The following DRAXIN variants were observed in gnomAD, a reference collection of about 807,000 sequenced individuals.
DRAXIN encodes the protein dorsal repulsive axon guidance protein.
DRAXIN carries 27 observed loss-of-function variants against 33.9 expected under a neutral mutation model. That is an observed-to-expected ratio of 0.80 (90% CI 0.59 to 1.10). The LOEUF is 1.10. DRAXIN is among the 50% of genes least tolerant of loss of function. The probability of loss-of-function intolerance (pLI) is 0.00; values close to 1 mark genes in which losing one functional copy is unlikely to be tolerated. For synonymous variants in DRAXIN, 178 were observed against 194.0 expected (o/e 0.92, Z 0.69); for missense variants, 371 against 460.8 (o/e 0.81, Z 1.78).
chr1:11,720,936 A>G lies in DRAXIN; in HGVS notation c.*1240A>G, dbSNP rs1382621978. 1 of 152,258 alleles carries G rather than the reference A, an allele frequency of 6.6e-6. No homozygotes were observed. The highest frequency in any genetic ancestry group is 1.9e-4 in the East Asian group (1 of 5,202). 9.4% of individuals were successfully genotyped at this position (152,258 alleles called of 1,614,324 possible). ...ACAAAACAAAATACAACTTAAGCAC[A>G]TACTTGCTTGCAGGAATAAGTTGGG... On this transcript the variant is annotated 3_prime_UTR_variant, in exon 7 of 7. Coordinates refer to ENST00000294485, the MANE Select transcript of DRAXIN (RefSeq NM_198545.4).
chr1:11,705,749 G>T lies in DRAXIN; in HGVS notation c.-10-500G>T, dbSNP rs6657454. 3.5e-4 allele frequency among the ~76,000 whole-genome samples: 54 copies of T among 152,236 alleles called. No homozygotes were observed. The highest frequency in any genetic ancestry group is 7.2e-4 in the Non-Finnish European group (49 of 68,022). ...CATGAATTCACACAAAGCACTTAAC[G>T]TGGGTCCTGCCTACAGCGTGCGCTC... On this transcript the variant is annotated intron_variant, in intron 1 of 6. Transcript: ENST00000294485. The surrounding 1 kb of genome is among the most constrained non-coding windows in gnomAD (Gnocchi z 4.8).
chr1:11,714,309 A>G (rs1167478584), intron 5 of DRAXIN, among the ~76,000 whole-genome samples: 1 of 152,232 alleles, frequency 6.6e-6, no homozygotes, highest in Non-Finnish European at 1.5e-5. Context: ...GAAGCTTCAG[A>G]CATCATGCAC....
chr1:11,697,115 G>A (rs1286083995), intron 1 of DRAXIN, among the ~76,000 whole-genome samples: 1 of 152,074 alleles, frequency 6.6e-6, no homozygotes, highest in African/African-American at 2.4e-5. Context: ...GAGGAAACTG[G>A]GGCCCAGAGA....
chr1:11,697,313 G>A (rs565598957), intron 1 of DRAXIN, among the ~76,000 whole-genome samples: 186 of 152,204 alleles, frequency 1.2e-3, no homozygotes, highest in Non-Finnish European at 2.1e-3. Context: ...TATCAGTGGG[G>A]ACACCTGGAG....
upstream of DRAXIN, among the ~76,000 whole-genome samples, chr1:11,687,137 C>T (rs1333336452): frequency 6.6e-6 from 1 of 152,200 alleles, no homozygotes; most frequent in Non-Finnish European, 1.5e-5. The surrounding 1 kb of genome is among the most constrained non-coding windows in gnomAD (Gnocchi z 4.1). Flanking sequence ...GCAATCACAG[C>T]TCACTGAAGC....
At chr1:11,698,457 G>T (rs1641225382) in intron 1 of DRAXIN, among the ~76,000 whole-genome samples, 1 of 152,176 alleles carries the variant, frequency 6.6e-6, no homozygotes, top group Non-Finnish European at 1.5e-5. Flanking sequence ...AGCAGATGGG[G>T]CTTCCGGACT....
intron 2 of DRAXIN, 98 bp from the exon 3 acceptor site, chr1:11,709,177 C>T (rs1641435852): frequency 2.3e-5 from 29 of 1,285,674 alleles, no homozygotes; most frequent in Admixed American, 8.4e-5. Context: ...ACAGTGCCTG[C>T]TGCCTCCTAG....
rs200614485 is a variant in DRAXIN at position 11,719,577 on chromosome 1, C to T, written c.938-7C>T. 1.1e-3 allele frequency: 1,751 copies of T among 1,606,902 alleles called. 1 individual carries two copies. Among genetic ancestry groups the T allele is most frequent in the Admixed American group, 2.3e-3 (139 of 59,512 alleles). ...GCCTCTGACCCCCCTTGCCTCCACT[C>T]GCCCAGGGCTGCGCTGCTATGCCAA... On this transcript the variant is annotated splice_polypyrimidine_tract_variant and splice_region_variant and intron_variant, in intron 6 of 6. Transcript: ENST00000294485.
intron 5 of DRAXIN, 43 bp downstream of exon 5, chr1:11,712,472 G>C (rs375034511): frequency 1.2e-6 from 2 of 1,609,486 alleles, no homozygotes; most frequent in Non-Finnish European, 8.5e-7. Flanking sequence ...GCTGGGTACT[G>C]GGAGGGAACC....
In DRAXIN at chr1:11,694,426, A is replaced by G. The variant is rs1259304480; in HGVS notation, c.-11+2573A>G. ...ATACTGAGGCCCTGTATCACTCTGG[A>G]AAATGAGGGTGGTCTCTGTGCCTGT... On this transcript the variant is annotated intron_variant, in intron 1 of 6. Transcript: ENST00000294485. This position sits in a 1 kb window ranked among gnomAD's most constrained non-coding sequence, Gnocchi z 4.9. Among the ~76,000 whole-genome samples, 2 of 151,968 alleles carry G rather than the reference A, an allele frequency of 1.3e-5. No homozygotes were observed. Among genetic ancestry groups the G allele is most frequent in the Non-Finnish European group, 2.9e-5 (2 of 67,988 alleles).
In DRAXIN at chr1:11,719,830, C is replaced by A. The variant is rs931450287; in HGVS notation, c.*134C>A. ...GACTCAGGCCCAGGACACTCAACCC[C>A]AGGAGGGGAGCCGCTCGGCGAATGA... On this transcript the variant is annotated 3_prime_UTR_variant, in exon 7 of 7. Transcript: ENST00000294485. 1.1e-4 allele frequency: 88 copies of A among 832,506 alleles called. No individual in the cohort carries two copies. The highest frequency in any genetic ancestry group is 1.6e-4 in the Non-Finnish European group (82 of 520,384). The allele number at this position is 832,506 out of a possible 1,614,324, so 51.6% of individuals were successfully genotyped here.
chr1:11,714,717 A>G (rs548803578), intron 5 of DRAXIN, among the ~76,000 whole-genome samples: 1 of 152,340 alleles, frequency 6.6e-6, no homozygotes, highest in Non-Finnish European at 1.5e-5. Flanking sequence ...AGCCGGCTCC[A>G]TGGCAGGTGC....
Position 11,711,879 on chromosome 1 carries a change from T to C in DRAXIN, c.671T>C (p.Val224Ala). 1 of 1,613,360 alleles carries C rather than the reference T, an allele frequency of 6.2e-7. No individual in the cohort carries two copies. Among genetic ancestry groups the C allele is most frequent in the Admixed American group, 1.7e-5 (1 of 59,950 alleles). Residue 224 changes from valine (V) to alanine (A), a missense_variant, in exon 4 of 7, where the codon GTG becomes GCG. By Grantham distance (64) the Val-to-Ala change is moderately conservative. Transcript: ENST00000294485. ...QQAQPRSDGE[V>A]MPTLDMALFD... ...GCACAGCCCAGGTCTGACGGGGAGG[T>C]GATGCCCACGCTGGACATGGCCTTG...
chr1:11,693,757 T>C (rs2038132), intron 1 of DRAXIN, among the ~76,000 whole-genome samples: 127,118 of 152,122 alleles, frequency 0.84, 53,609 homozygotes, highest in African/African-American at 0.96. Context: ...CTCAGAGGCT[T>C]GGGAACCTTG....
Position 11,694,354 on chromosome 1 carries a change from T to A in DRAXIN, c.-11+2501T>A, listed in dbSNP as rs904518015. On this transcript the variant is annotated intron_variant, in intron 1 of 6. Coordinates refer to ENST00000294485, the MANE Select transcript of DRAXIN (RefSeq NM_198545.4). The surrounding 1 kb of genome is among the most constrained non-coding windows in gnomAD (Gnocchi z 4.9). The stretch of plus-strand genomic sequence containing the variant: ...TGGGGCCAGGGCGGAGCTGGCCCTC[T>A]GGCTGGGGAGGTTGGAGGGGGAGCA... Among the ~76,000 whole-genome samples, 4 of 152,108 alleles carry A rather than the reference T, an allele frequency of 2.6e-5. No homozygotes were observed. The highest frequency in any genetic ancestry group is 4.4e-5 in the Non-Finnish European group (3 of 68,002).
intron 1 of DRAXIN, among the ~76,000 whole-genome samples, chr1:11,703,023 A>G (rs1350744320): frequency 6.6e-6 from 1 of 152,206 alleles, no homozygotes; most frequent in Non-Finnish European, 1.5e-5. Context: ...GATTACAGGC[A>G]TGAGCAACTG....
chr1:11,707,417 C>T (rs753148183), intron 2 of DRAXIN, among the ~76,000 whole-genome samples: 23 of 152,338 alleles, frequency 1.5e-4, no homozygotes, highest in Middle Eastern at 3.4e-3. Flanking sequence ...TCAGGTCCTG[C>T]CTCCACCACT....
chr1:11,690,954 G>A (rs950252175), upstream of DRAXIN, among the ~76,000 whole-genome samples: 1 of 152,186 alleles, frequency 6.6e-6, no homozygotes, highest in Admixed American at 6.5e-5. This position sits in a 1 kb window ranked among gnomAD's most constrained non-coding sequence, Gnocchi z 4.2. Context: ...GTGTTTGTGT[G>A]TGTGTGTATT....
chr1:11,713,990 C>T (rs921236426), intron 5 of DRAXIN, among the ~76,000 whole-genome samples: 2 of 151,942 alleles, frequency 1.3e-5, no homozygotes, highest in Admixed American at 6.6e-5. Context: ...CGAGATCGCA[C>T]GACTGCACTC....
Sources: allele counts gnomAD v4.1 joint callset (sites outside exome capture counted in the v4.1 genomes callset), GRCh38; gene constraint gnomAD v4.1.1; non-coding constraint Gnocchi (gnomAD v3.1); transcripts MANE v1.5; gene names NCBI Gene and HGNC (gene_info 2026-07-23, HGNC 2026-07-21).